The following SLC35G3 variants were observed in gnomAD, a reference collection of about 807,000 sequenced individuals.
The protein encoded by SLC35G3 is acyl-malonyl-condensing enzyme 1.
SLC35G3 carries 10 observed loss-of-function variants against 17.9 expected under a neutral mutation model. The ratio of observed to expected loss-of-function variants is 0.56; its 90% CI spans 0.34 to 0.95. The LOEUF (loss-of-function observed/expected upper bound fraction) is 0.95, where lower values mean the gene tolerates loss of function less well. Ranked by LOEUF, SLC35G3 falls within the 40% of genes least tolerant of loss-of-function variation. The pLI is 0.02. For synonymous variants in SLC35G3, 208 were observed against 197.7 expected (o/e 1.05, Z -0.44); for missense variants, 384 against 433.6 (o/e 0.89, Z 1.02).
Position 35,193,229 on chromosome 17 carries a change from T to C in SLC35G3, c.*62A>G, listed in dbSNP as rs1567775970. 5.6e-6 allele frequency: 9 copies of C among 1,608,398 alleles called. No homozygotes were observed. The highest frequency in any genetic ancestry group is 7.6e-6 in the Non-Finnish European group (9 of 1,178,052). ...CCAGTCACTTCTCCTCCCATGTTTG[T>C]CTTCAGTCTTTGCCTTTATTTATCC... On this transcript the variant is annotated 3_prime_UTR_variant, in exon 1 of 1. Coordinates refer to ENST00000297307, the MANE Select transcript of SLC35G3 (RefSeq NM_152462.2).
In SLC35G3 at chr17:35,193,344, T is replaced by C. The variant is rs769783559; in HGVS notation, c.964A>G (p.Ile322Val). The C allele has an allele frequency of 1.9e-6, 3 of 1,611,880 alleles. No individual in the cohort carries two copies. In the African/African-American group the frequency reaches 4.0e-5, roughly 22 times the overall value. The change falls in exon 1 of 1, where the codon ATC (isoleucine) becomes GTC (valine). Residue 322 changes from isoleucine to valine, a missense_variant. Transcript: ENST00000297307. Reference protein sequence around the residue: ...AAGVVLGSIAIITAQNLSCER... With the variant: ...AAGVVLGSIAVITAQNLSCER... ...CAGCTGAGGTTCTGGGCTGTAATGA[T>C]GGCAATGCTGCCCAGCACAACCCCT...
rs1388771369 is a variant in SLC35G3 at position 35,194,218 on chromosome 17, G to A, written c.90C>T (p.Arg30=). The A allele has an allele frequency of 6.2e-7, 1 of 1,613,862 alleles. No homozygotes were observed. The highest frequency in any genetic ancestry group is 1.1e-5 in the South Asian group (1 of 91,060). Residue 30 remains arginine (R), a synonymous_variant, in exon 1 of 1, where the codon CGC becomes CGT. Transcript: ENST00000297307. ...CACTGGTGGCATCAGAGGGCTGGCAGCGCTGGTACCAGCGGAGGCTGGGTG... is the reference window on the plus strand; with the variant it reads ...CACTGGTGGCATCAGAGGGCTGGCAACGCTGGTACCAGCGGAGGCTGGGTG... The part of the protein sequence containing the change: ...SAPPSLRWYQ[R]CQPSDATSGL...
chr17:35,193,769 A>G lies in SLC35G3; in HGVS notation c.539T>C (p.Leu180Pro), dbSNP rs763926296. 2 of 1,612,440 alleles carry G rather than the reference A, an allele frequency of 1.2e-6. No homozygotes were observed. Among genetic ancestry groups the G allele is most frequent in the East Asian group, 2.2e-5 (1 of 44,840 alleles). ...IIIVGPGLWT[L>P]QEGTTGVYTA... ...GTAGACACCCGTGGTCCCCTCCTGT[A>G]GTGTCCAGAGTCCAGGTCCCACAAT... is the stretch of plus-strand genomic sequence containing the variant. Residue 180 changes from leucine to proline, a missense_variant, in exon 1 of 1, where the codon CTA (leucine) becomes CCA (proline). Coordinates refer to ENST00000297307, the MANE Select transcript of SLC35G3 (RefSeq NM_152462.2).
chr17:35,193,112 C>G lies in SLC35G3; in HGVS notation c.*179G>C. ...GGACTCCACATCCCTTGGTCCCAGG[C>G]TGGCCCCAGGTCTTCCACGTAGTCC... is the stretch of plus-strand genomic sequence containing the variant. On this transcript the variant is annotated 3_prime_UTR_variant, in exon 1 of 1. Coordinates refer to ENST00000297307, the MANE Select transcript of SLC35G3 (RefSeq NM_152462.2). 1 of 1,198,800 alleles carries G rather than the reference C, an allele frequency of 8.3e-7. No homozygotes were observed. Among genetic ancestry groups the G allele is most frequent in the Non-Finnish European group, 1.2e-6 (1 of 860,038 alleles). The allele number at this position is 1,198,800 out of a possible 1,614,324, so 74.3% of individuals were successfully genotyped here. A position where few individuals can be genotyped will look rare whatever the true frequency, so the allele number is the denominator to read the frequency against.
chr17:35,193,693 C>T lies in SLC35G3; in HGVS notation c.615G>A (p.Leu205=). The T allele has an allele frequency of 6.2e-7, 1 of 1,612,022 alleles. No homozygotes were observed. The highest frequency in any genetic ancestry group is 8.5e-7 in the Non-Finnish European group (1 of 1,179,858). ...EAFLGGLALS[L]RLLVYRSLHF... ...GCAGAGAACGATAGACCAGAAGCCTCAGGGACAGCGCCAGGCCTCCCAGGA... is the reference window on the plus strand; with the variant it reads ...GCAGAGAACGATAGACCAGAAGCCTTAGGGACAGCGCCAGGCCTCCCAGGA... The change falls in exon 1 of 1, where the codon CTG becomes CTA. Residue 205 remains leucine, a synonymous_variant. Transcript: ENST00000297307.
Position 35,193,732 on chromosome 17 carries a change from GC to G in SLC35G3, c.575del (p.Gly192AlafsTer14), listed in dbSNP as rs749242703. 8.7e-6 allele frequency: 14 copies of G among 1,612,076 alleles called. No individual in the cohort carries two copies. The highest frequency in any genetic ancestry group is 1.7e-6 in the Non-Finnish European group (2 of 1,179,882). ...GGCCTCCCAGGAAAGCCTCCACATA[GC>G]CCAGGGCGGTGTAGACACCCGTGGT... The part of the protein sequence containing the change: ...EGTTGVYTAL[G>X]YVEAFLGGLA... On this transcript the variant is annotated frameshift_variant, in exon 1 of 1. Coordinates refer to ENST00000297307, the MANE Select transcript of SLC35G3 (RefSeq NM_152462.2). LOFTEE classifies it high-confidence loss of function.
Position 35,193,324 on chromosome 17 carries a change from G to T in SLC35G3, c.984C>A (p.Leu328=). The T allele has an allele frequency of 3.1e-6, 5 of 1,611,964 alleles. No homozygotes were observed. The highest frequency in any genetic ancestry group is 2.5e-6 in the Non-Finnish European group (3 of 1,179,864). ...GSIAIITAQN[L]SCERTGRVEE ...CCACCCTCCCTGTCCTCTCACAGCTGAGGTTCTGGGCTGTAATGATGGCAA... is the reference window on the plus strand; with the variant it reads ...CCACCCTCCCTGTCCTCTCACAGCTTAGGTTCTGGGCTGTAATGATGGCAA... Residue 328 remains leucine, a synonymous_variant, in exon 1 of 1, where the codon CTC becomes CTA. Transcript: ENST00000297307.
At position 35,193,798 on chromosome 17, in the gene SLC35G3, G is replaced by T. The variant is rs749966552; in HGVS notation, c.510C>A (p.Ile170=). The T allele has an allele frequency of 6.2e-7, 1 of 1,613,690 alleles. No individual in the cohort carries two copies. The change falls in exon 1 of 1, where the codon ATC becomes ATA. Residue 170 remains isoleucine (I), a synonymous_variant. Coordinates refer to ENST00000297307, the MANE Select transcript of SLC35G3 (RefSeq NM_152462.2). ...TCCAGAGTCCAGGTCCCACAATGATGATTAGTCCTAGGATGCAGCCCAACA... is the reference window on the plus strand; with the variant it reads ...TCCAGAGTCCAGGTCCCACAATGATTATTAGTCCTAGGATGCAGCCCAACA... ...CGLLGCILGL[I]IIVGPGLWTL...
In SLC35G3 at chr17:35,193,717, G is replaced by A. The variant is rs148479191; in HGVS notation, c.591C>T (p.Phe197=). The change falls in exon 1 of 1, where the codon TTC becomes TTT. Residue 197 remains phenylalanine, a synonymous_variant. Coordinates refer to ENST00000297307, the MANE Select transcript of SLC35G3 (RefSeq NM_152462.2). ...TCAGGGACAGCGCCAGGCCTCCCAG[G>A]AAAGCCTCCACATAGCCCAGGGCGG... The part of the protein sequence containing the change: ...VYTALGYVEA[F]LGGLALSLRL... The A allele has an allele frequency of 1.2e-6, 2 of 1,612,080 alleles. No individual in the cohort carries two copies. Among genetic ancestry groups the A allele is most frequent in the East Asian group, 2.2e-5 (1 of 44,880 alleles).
Position 35,194,179 on chromosome 17 carries a change from G to A in SLC35G3, c.129C>T (p.Ala43=), listed in dbSNP as rs766646706. The change falls in exon 1 of 1, where the codon GCC becomes GCT. Residue 43 remains alanine (A), a synonymous_variant. Coordinates refer to ENST00000297307, the MANE Select transcript of SLC35G3 (RefSeq NM_152462.2). ...CAGCAGGCAGGCCCCCACCCAGCAG[G>A]GCCACCAGCAGGCCACTGGTGGCAT... The part of the protein sequence containing the change: ...PSDATSGLLV[A]LLGGGLPAGF... 1.9e-6 allele frequency: 3 copies of A among 1,613,490 alleles called. No homozygotes were observed. The highest frequency in any genetic ancestry group is 1.7e-6 in the Non-Finnish European group (2 of 1,179,942).
rs757678388 is a variant in SLC35G3 at position 35,194,010 on chromosome 17, T to A, written c.298A>T (p.Ile100Phe). Residue 100 changes from isoleucine (I) to phenylalanine (F), a missense_variant, in exon 1 of 1, where the codon ATC becomes TTC. Ile to Phe is a conservative substitution (Grantham distance 21). Coordinates refer to ENST00000297307, the MANE Select transcript of SLC35G3 (RefSeq NM_152462.2). ...RGDPLLGTPD[I>F]RSRAFFCALL... ...GCACAGAAGAAGGCCCGGCTTCGGA[T>A]GTCAGGAGTTCCCAGAAGGGGGTCG... 1.1e-5 allele frequency: 18 copies of A among 1,613,980 alleles called. No homozygotes were observed. In the African/African-American group the frequency reaches 2.3e-4, roughly 20 times the overall value.
chr17:35,193,365 C>G lies in SLC35G3; in HGVS notation c.943G>C (p.Val315Leu), dbSNP rs145914928. The part of the protein sequence containing the change: ...VAPSDIVAAG[V>L]VLGSIAIITA... ...ATGATGGCAATGCTGCCCAGCACAACCCCTGCCGCCACGATGTCAGAAGGT... is the reference window on the plus strand; with the variant it reads ...ATGATGGCAATGCTGCCCAGCACAAGCCCTGCCGCCACGATGTCAGAAGGT... Residue 315 changes from valine (V) to leucine (L), a missense_variant, in exon 1 of 1, where the codon GTT (valine) becomes CTT (leucine). Coordinates refer to ENST00000297307, the MANE Select transcript of SLC35G3 (RefSeq NM_152462.2). 69 of 1,612,046 alleles carry G rather than the reference C, an allele frequency of 4.3e-5. No individual in the cohort carries two copies. In the African/African-American group the frequency reaches 6.0e-4, roughly 14 times the overall value.
Position 35,194,104 on chromosome 17 carries a change from G to T in SLC35G3, c.204C>A (p.Pro68=). The change falls in exon 1 of 1, where the codon CCC becomes CCA. Residue 68 remains proline (P), a synonymous_variant. Coordinates refer to ENST00000297307, the MANE Select transcript of SLC35G3 (RefSeq NM_152462.2). ...ATCGCCAGATGAGCAGCTCCAGCGAGGGCAGGTTGGAAGCCTGGTAAGCCA... is the reference window on the plus strand; with the variant it reads ...ATCGCCAGATGAGCAGCTCCAGCGATGGCAGGTTGGAAGCCTGGTAAGCCA... ...SRMAYQASNL[P]SLELLIWRCL... is the part of the protein sequence containing the mutation. The T allele has an allele frequency of 6.2e-7, 1 of 1,613,970 alleles. No individual in the cohort carries two copies. Among genetic ancestry groups the T allele is most frequent in the Non-Finnish European group, 8.5e-7 (1 of 1,179,856 alleles).
chr17:35,193,649 G>A lies in SLC35G3; in HGVS notation c.659C>T (p.Pro220Leu). The change falls in exon 1 of 1, where the codon CCA (proline) becomes CTA (leucine). Residue 220 changes from proline (P) to leucine (L), a missense_variant. Pro to Leu is a moderately conservative substitution (Grantham distance 98). Transcript: ENST00000297307. ...CAAGCCAGATAGGAAGGCCACTGTT[G>A]GGAGGCAGGGGGGAAAGTGCAGAGA... ...YRSLHFPPCLPTVAFLSGLVG... is the reference protein window; with the variant it reads ...YRSLHFPPCLLTVAFLSGLVG... 1 of 1,612,056 alleles carries A rather than the reference G, an allele frequency of 6.2e-7. No individual in the cohort carries two copies. Among genetic ancestry groups the A allele is most frequent in the Non-Finnish European group, 8.5e-7 (1 of 1,179,864 alleles).
Position 35,193,385 on chromosome 17 carries a change from G to A in SLC35G3, c.923C>T (p.Ser308Phe), listed in dbSNP as rs1336622239. Residue 308 changes from serine (S) to phenylalanine (F), a missense_variant, in exon 1 of 1, where the codon TCT becomes TTT. By Grantham distance (155) the Ser-to-Phe change is radical. Coordinates refer to ENST00000297307, the MANE Select transcript of SLC35G3 (RefSeq NM_152462.2). ...CACAACCCCTGCCGCCACGATGTCAGAAGGTGCCACAGTCTCATGGAGCAT... is the reference window on the plus strand; with the variant it reads ...CACAACCCCTGCCGCCACGATGTCAAAAGGTGCCACAGTCTCATGGAGCAT... ...YYMLHETVAPSDIVAAGVVLG... is the reference protein window; with the variant it reads ...YYMLHETVAPFDIVAAGVVLG... The A allele has an allele frequency of 6.2e-7, 1 of 1,612,026 alleles. No homozygotes were observed. Among genetic ancestry groups the A allele is most frequent in the Non-Finnish European group, 8.5e-7 (1 of 1,179,858 alleles).
rs558523460 is a variant in SLC35G3 at position 35,194,255 on chromosome 17, G to C, written c.53C>G (p.Pro18Arg). The C allele has an allele frequency of 1.9e-6, 3 of 1,613,454 alleles. No individual in the cohort carries two copies. The highest frequency in any genetic ancestry group is 2.5e-6 in the Non-Finnish European group (3 of 1,179,700). ...FNQPDSTHPS[P>R]PSAPPSLRWY... is the part of the protein sequence containing the mutation. ...GCGGAGGCTGGGTGGAGCGGAGGGC[G>C]GCGATGGGTGTGTGGAGTCAGGCTG... The change falls in exon 1 of 1, where the codon CCG becomes CGG. Residue 18 changes from proline (P) to arginine (R), a missense_variant. Physicochemically the swap from Pro to Arg is moderately radical, Grantham distance 103. Transcript: ENST00000297307.
In SLC35G3 at chr17:35,193,772, GT is replaced by G. The variant is rs537989829; in HGVS notation, c.535del (p.Thr179HisfsTer27). 1.9e-3 allele frequency: 3,031 copies of G among 1,612,638 alleles called. 54 individuals carry two copies. The African/African-American group carries it at 0.037, about 19-fold the overall frequency. ...GACACCCGTGGTCCCCTCCTGTAGT[GT>G]CCAGAGTCCAGGTCCCACAATGATG... ...LIIIVGPGLWTLQEGTTGVYT... is the reference protein window; with the variant it reads ...LIIIVGPGLWXLQEGTTGVYT... On this transcript the variant is annotated frameshift_variant, in exon 1 of 1. Transcript: ENST00000297307. LOFTEE classifies it high-confidence loss of function.
rs775699500 is a variant in SLC35G3, at chr17:35,193,598, C to T, written c.710G>A (p.Gly237Asp). 5.6e-6 allele frequency: 9 copies of T among 1,612,054 alleles called. No homozygotes were observed. The highest frequency in any genetic ancestry group is 7.6e-6 in the Non-Finnish European group (9 of 1,179,872). ...CACGGGGGCCTGCAGCACAAAGAGG[C>T]CTGGCACAGAGCCCAGCAGCCCCAC... ...GLVGLLGSVP[G>D]LFVLQAPVLP... The change falls in exon 1 of 1, where the codon GGC becomes GAC. Residue 237 changes from glycine to aspartate, a missense_variant. Coordinates refer to ENST00000297307, the MANE Select transcript of SLC35G3 (RefSeq NM_152462.2).
chr17:35,193,518 A>G lies in SLC35G3; in HGVS notation c.790T>C (p.Leu264=). ...SCVGAVGILA[L]VSFTCVGYAV... ...TAGCCCACACATGTGAAGGAGACCA[A>G]GGCGAGGATCCCCACTGCCCCCACA... Residue 264 remains leucine (L), a synonymous_variant, in exon 1 of 1, where the codon TTG becomes CTG. Coordinates refer to ENST00000297307, the MANE Select transcript of SLC35G3 (RefSeq NM_152462.2). 1 of 1,612,056 alleles carries G rather than the reference A, an allele frequency of 6.2e-7. No homozygotes were observed. Among genetic ancestry groups the G allele is most frequent in the Non-Finnish European group, 8.5e-7 (1 of 1,179,856 alleles).
Sources: allele counts gnomAD v4.1 joint callset, GRCh38; gene constraint gnomAD v4.1.1; transcripts MANE v1.5; gene names NCBI Gene and HGNC (gene_info 2026-07-23, HGNC 2026-07-21).